GPC4: variants seen among roughly 807,000 people sequenced by gnomAD.
GPC4 encodes glypican-4.
A neutral mutation model predicts 35.0 loss-of-function variants in GPC4; 10 were observed. The observed-to-expected ratio is 0.29, with a 90% CI of 0.18 to 0.48. GPC4 has a LOEUF of 0.48. Among genes scored for constraint, GPC4 ranks in the 20% least tolerant of loss-of-function variants. The pLI is 0.99. For synonymous variants in GPC4, 167 were observed against 170.2 expected, an observed-to-expected ratio of 0.98 and a Z score of 0.15; for missense variants, 322 against 451.3, an observed-to-expected ratio of 0.71 and a Z score of 2.60.
chrX:133,330,372 A>G (rs1459095267), intron 2 of GPC4, among the ~76,000 whole-genome samples: 7 of 111,594 alleles, frequency 6.3e-5, no homozygotes, highest in Non-Finnish European at 1.3e-4. Flanking sequence ...ACCTAAGATC[A>G]AGTAATTAAT....
At chrX:133,402,252 G>T (rs2068770007) in intron 1 of GPC4, among the ~76,000 whole-genome samples, 1 of 111,801 alleles carries the variant, frequency 8.9e-6, no homozygotes, top group Non-Finnish European at 1.9e-5. Context: ...GGAGACAAAT[G>T]TGTGGTGAAA....
rs768701898 is a variant in GPC4, at chrX:133,354,100, T to C, written c.161-14759A>G. 2.7e-5 allele frequency among the ~76,000 whole-genome samples: 3 copies of C among 112,183 alleles called. No individual in the cohort carries two copies. In the South Asian group the frequency reaches 1.1e-3, roughly 42 times the overall value. On this transcript the variant is annotated intron_variant, in intron 1 of 8. Coordinates refer to ENST00000370828, the MANE Select transcript of GPC4 (RefSeq NM_001448.3). Reference sequence around the variant, plus strand: ...GACCTTCTGCCAGCAAAGAGTAAGTTACTTTAATATACTTATTTTTAGCCC... The same window carrying C: ...GACCTTCTGCCAGCAAAGAGTAAGTCACTTTAATATACTTATTTTTAGCCC...
Position 133,346,340 on chromosome X carries a change from C to A in GPC4, c.161-6999G>T, listed in dbSNP as rs764999721. The stretch of plus-strand genomic sequence containing the variant: ...CCTGCCTCCAGACCCTATTCTCCTG[C>A]CTCATGTCCAAAGTTTTTCTTTTAA... On this transcript the variant is annotated intron_variant, in intron 1 of 8. Transcript: ENST00000370828. Among the ~76,000 whole-genome samples the A allele has an allele frequency of 3.6e-5, 4 of 111,578 alleles. No homozygotes were observed. In the East Asian group the frequency reaches 1.1e-3, roughly 31 times the overall value.
At chrX:133,326,790 G>A (rs769438943) in intron 2 of GPC4, among the ~76,000 whole-genome samples, 2 of 112,146 alleles carry the variant, frequency 1.8e-5, no homozygotes, top group Non-Finnish European at 3.8e-5. Flanking sequence ...AAATTTTCTT[G>A]TGTGGAACTC....
Position 133,324,394 on chromosome X carries a change from A to G in GPC4, c.462T>C (p.Asn154=). 1.7e-6 allele frequency: 2 copies of G among 1,211,580 alleles called. No homozygotes were observed. The highest frequency in any genetic ancestry group is 2.2e-6 in the Non-Finnish European group (2 of 895,527). The change falls in exon 3 of 9, where the codon AAT becomes AAC. Residue 154 remains asparagine (N), a synonymous_variant. Coordinates refer to ENST00000370828, the MANE Select transcript of GPC4 (RefSeq NM_001448.3). ...VELKRYYVVG[N]VNLEEMLNDF... ...CATTTAGCATTTCTTCCAGGTTCAC[A>G]TTTCCCACCACGTAGTAACGTTTCA...
chrX:133,342,447 A>C (rs2068471478), intron 1 of GPC4, among the ~76,000 whole-genome samples: 1 of 112,196 alleles, frequency 8.9e-6, no homozygotes, highest in South Asian at 3.7e-4. Flanking sequence ...AAGGACAACA[A>C]CAGGGTAGAT....
At chrX:133,398,284 G>A (rs766695918) in intron 1 of GPC4, among the ~76,000 whole-genome samples, 6 of 110,614 alleles carry the variant, frequency 5.4e-5, no homozygotes, top group African/African-American at 1.6e-4. Context: ...TATGTAGTAT[G>A]CCCTTCAGAA....
chrX:133,407,089 T>TAC (rs35930080), intron 1 of GPC4, among the ~76,000 whole-genome samples: 1,759 of 97,272 alleles, frequency 0.018, 37 homozygotes, highest in African/African-American at 0.057. Flanking sequence ...AAAAAAAAAA[T>TAC]ACACACACAC....
intron 1 of GPC4, among the ~76,000 whole-genome samples, chrX:133,399,497 G>A (rs1200453365): frequency 9.0e-6 from 1 of 111,647 alleles, no homozygotes; most frequent in Non-Finnish European, 1.9e-5. Context: ...CTTCCTCTGA[G>A]TTTCCTGAAA....
Position 133,360,038 on chromosome X carries a change from G to C in GPC4, c.161-20697C>G, listed in dbSNP as rs144211475. 6.2e-3 allele frequency among the ~76,000 whole-genome samples: 686 copies of C among 110,808 alleles called. 1 individual carries two copies. The highest frequency in any genetic ancestry group is 9.5e-3 in the Non-Finnish European group (504 of 52,948). On this transcript the variant is annotated intron_variant, in intron 1 of 8. Coordinates refer to ENST00000370828, the MANE Select transcript of GPC4 (RefSeq NM_001448.3). The stretch of plus-strand genomic sequence containing the variant: ...TTTATGAAAATAAGGCCTATGCTGG[G>C]GGGGGAGAGAAAACCCAAATATTTT...
At chrX:133,311,160 C>T in intron 4 of GPC4, 98 bp downstream of exon 4, 1 of 911,310 alleles carries the variant, frequency 1.1e-6, no homozygotes, top group Non-Finnish European at 1.6e-6. Context: ...ATAGCAAACA[C>T]TTAAACAAAC....
intron 2 of GPC4, among the ~76,000 whole-genome samples, chrX:133,337,865 T>C (rs959902530): frequency 9.0e-6 from 1 of 110,669 alleles, no homozygotes; most frequent in Non-Finnish European, 1.9e-5. Context: ...AGCTACAGCA[T>C]ATATGTAGGG....
chrX:133,411,877 A>C (rs1188147919), intron 1 of GPC4, among the ~76,000 whole-genome samples: 1 of 111,744 alleles, frequency 8.9e-6, no homozygotes, highest in Non-Finnish European at 1.9e-5. Context: ...AAGCCCTGTC[A>C]GCATGATGTA....
intron 1 of GPC4, among the ~76,000 whole-genome samples, chrX:133,380,684 A>C (rs1171163553): frequency 1.8e-5 from 2 of 111,389 alleles, no homozygotes; most frequent in Non-Finnish European, 3.8e-5. Context: ...ATTCCTTTCT[A>C]AGGTGTTGTT....
intron 6 of GPC4, among the ~76,000 whole-genome samples, chrX:133,305,459 G>A (rs997956631): frequency 8.9e-6 from 1 of 112,110 alleles, no homozygotes; most frequent in Non-Finnish European, 1.9e-5. Context: ...TGAGAACAAG[G>A]ATCTGCCTTA....
intron 1 of GPC4, among the ~76,000 whole-genome samples, chrX:133,405,104 C>CTTTTT (rs746824918): frequency 1.5e-5 from 1 of 67,164 alleles, no homozygotes; most frequent in Admixed American, 1.6e-4. Context: ...CAATAGAACT[C>CTTTTT]TTTTTTTTTT....
chrX:133,394,276 A>AT (rs1217342819), intron 1 of GPC4, among the ~76,000 whole-genome samples: 9 of 110,207 alleles, frequency 8.2e-5, no homozygotes, highest in African/African-American at 3.0e-4. Context: ...TCTCAAAAAA[A>AT]AATATATATA....
intron 2 of GPC4, among the ~76,000 whole-genome samples, chrX:133,330,578 A>G (rs2068415056): frequency 9.0e-6 from 1 of 110,945 alleles, no homozygotes; most frequent in African/African-American, 3.3e-5. Flanking sequence ...TCACTCTTCT[A>G]AAGAGTACCT....
At chrX:133,386,615 T>C (rs1235218283) in intron 1 of GPC4, among the ~76,000 whole-genome samples, 1 of 111,492 alleles carries the variant, frequency 9.0e-6, no homozygotes, top group Non-Finnish European at 1.9e-5. Context: ...CAGAAATCTG[T>C]CTATTCAGAT....
Sources: allele counts gnomAD v4.1 joint callset (sites outside exome capture counted in the v4.1 genomes callset), GRCh38; gene constraint gnomAD v4.1.1; transcripts MANE v1.5; gene names NCBI Gene and HGNC (gene_info 2026-07-23, HGNC 2026-07-21).